Variants in DSC1 observed in about 807,000 individuals in gnomAD.
The protein encoded by DSC1 is desmocollin-1.
DSC1 carries 79 observed loss-of-function variants against 98.8 expected under a neutral mutation model. The ratio of observed to expected loss-of-function variants is 0.80; its 90% confidence interval spans 0.67 to 0.96. DSC1 has a LOEUF of 0.96. DSC1 is among the 50% of genes least tolerant of loss of function. The pLI, the probability that DSC1 is intolerant of heterozygous loss-of-function variation, is 0.00. For missense variants in DSC1, 1,115 were observed against 1,075.9 expected (o/e 1.04, Z -0.51); for synonymous variants, 405 against 372.1 (o/e 1.09, Z -1.02).
At chr18:31,132,395 G>A in intron 14 of DSC1, 173 bp downstream of exon 14, 1 of 794,218 alleles carries the variant, frequency 1.3e-6, no homozygotes, top group Middle Eastern at 3.9e-4. Context: ...GACAGCCCTA[G>A]CCCTGTAGAA....
intron 9 of DSC1, 62 bp downstream of exon 9, chr18:31,141,937 C>G (rs1988745230): frequency 1.3e-6 from 2 of 1,491,876 alleles, no homozygotes; most frequent in Non-Finnish European, 1.8e-6. Flanking sequence ...AGAATTATCT[C>G]TTAAAATCAG....
Position 31,134,542 on chromosome 18 carries a change from T to A in DSC1, c.1876+30A>T. 2.6e-6 allele frequency: 4 copies of A among 1,533,270 alleles called. No homozygotes were observed. The South Asian group carries it at 4.7e-5, about 18-fold the overall frequency. 95.0% of individuals were successfully genotyped at this position (1,533,270 alleles called of 1,614,324 possible). A position where few individuals can be genotyped will look rare whatever the true frequency, so the allele number is the denominator to read the frequency against. On this transcript the variant is annotated intron_variant, in intron 12 of 15. Transcript: ENST00000257198. ...AACCATCACCAATCTGAAGTCCGTA[T>A]TGACTATAAAATTTAGCATGATTAC...
intron 9 of DSC1, among the ~76,000 whole-genome samples, chr18:31,140,873 C>T (rs1344179804): frequency 1.3e-5 from 2 of 152,166 alleles, no homozygotes; most frequent in African/African-American, 4.8e-5. Context: ...AGAATTCCCA[C>T]CTGTTGTGGG....
At chr18:31,158,867 G>A (rs905449036) in intron 2 of DSC1, among the ~76,000 whole-genome samples, 1 of 151,798 alleles carries the variant, frequency 6.6e-6, no homozygotes, top group African/African-American at 2.4e-5. Context: ...TCCTGGTTTT[G>A]GTGCCTTGCT....
At chr18:31,151,371 T>A (rs1480572768) in intron 5 of DSC1, among the ~76,000 whole-genome samples, 5 of 152,196 alleles carry the variant, frequency 3.3e-5, no homozygotes, top group African/African-American at 1.2e-4. Flanking sequence ...GTTCATATGA[T>A]AGAGTAACTC....
intron 2 of DSC1, among the ~76,000 whole-genome samples, chr18:31,158,070 C>T (rs1013763850): frequency 1.3e-5 from 2 of 152,160 alleles, no homozygotes; most frequent in Non-Finnish European, 1.5e-5. Context: ...AGTTCTAGAT[C>T]AGCCTGGCCA....
At position 31,150,189 on chromosome 18, in the gene DSC1, CCAT is replaced by C. The variant is rs1488216282; in HGVS notation, c.628-1550_628-1548del. Among the ~76,000 whole-genome samples, 19 of 121,466 alleles carry C rather than the reference CCAT, an allele frequency of 1.6e-4. 1 individual carries two copies. The highest frequency in any genetic ancestry group is 7.5e-4 in the East Asian group (3 of 4,012). The allele number at this position is 121,466 out of a possible 152,430, so 79.7% of individuals were successfully genotyped here. A position where few individuals can be genotyped will look rare whatever the true frequency, so the allele number is the denominator to read the frequency against. On this transcript the variant is annotated intron_variant, in intron 5 of 15. Coordinates refer to ENST00000257198, the MANE Select transcript of DSC1 (RefSeq NM_024421.2). Reference sequence around the variant, plus strand: ...ACCATCACCACCACTACCATCACCACCATCATCATCACCACCACCACCACCATC... The same window carrying C: ...ACCATCACCACCACTACCATCACCACCATCATCACCACCACCACCACCATC...
intron 5 of DSC1, among the ~76,000 whole-genome samples, chr18:31,150,247 TACCAC>T: frequency 5.3e-5 from 3 of 56,674 alleles, no homozygotes; most frequent in Admixed American, 3.6e-4. Flanking sequence ...TCACCACCAC[TACCAC>T]CACCACCATC....
intron 11 of DSC1, 70 bp from the exon 12 acceptor site, chr18:31,134,854 C>A: frequency 7.1e-7 from 1 of 1,402,080 alleles, no homozygotes; most frequent in South Asian, 1.3e-5. Context: ...TTATAAAATA[C>A]ACAGTTGACA....
Position 31,139,760 on chromosome 18 carries a change from C to T in DSC1, c.1651G>A (p.Ala551Thr), listed in dbSNP as rs946546168. 1 of 1,600,252 alleles carries T rather than the reference C, an allele frequency of 6.2e-7. No homozygotes were observed. Among genetic ancestry groups the T allele is most frequent in the Non-Finnish European group, 8.5e-7 (1 of 1,175,056 alleles). The part of the protein sequence containing the change: ...KNNQYNISVV[A>T]VDAVGRSCTG... Reference sequence around the variant, plus strand: ...AAATGGCACTCACCTGCATCCACTGCAACAACTGAAATATTGTATTGGTTG... The same window carrying T: ...AAATGGCACTCACCTGCATCCACTGTAACAACTGAAATATTGTATTGGTTG... Residue 551 changes from alanine to threonine, a missense_variant, in exon 11 of 16, where the codon GCA (alanine) becomes ACA (threonine). Coordinates refer to ENST00000257198, the MANE Select transcript of DSC1 (RefSeq NM_024421.2).
At chr18:31,140,339 C>T in intron 9 of DSC1, 38 bp from the exon 10 acceptor site, 3 of 1,559,670 alleles carry the variant, frequency 1.9e-6, no homozygotes, top group Non-Finnish European at 2.6e-6. Context: ...CAATATATAA[C>T]ATTATATATA....
chr18:31,145,858 G>A (rs1988834993), intron 6 of DSC1, 81 bp from the exon 7 acceptor site: 3 of 1,455,456 alleles, frequency 2.1e-6, no homozygotes, highest in Non-Finnish European at 2.8e-6. Context: ...AGGCATTGCT[G>A]TAGCAAATTC....
At chr18:31,149,254 T>C (rs192204313) in intron 5 of DSC1, among the ~76,000 whole-genome samples, 117 of 152,332 alleles carry the variant, frequency 7.7e-4, no homozygotes, top group African/African-American at 2.6e-3. Context: ...GGTTTGTGCA[T>C]AGTAAGTGTT....
Position 31,142,033 on chromosome 18 carries a change from G to A in DSC1, c.1226C>T (p.Pro409Leu), listed in dbSNP as rs1033479940. 2.5e-6 allele frequency: 4 copies of A among 1,609,232 alleles called. No individual in the cohort carries two copies. The highest frequency in any genetic ancestry group is 3.4e-6 in the Non-Finnish European group (4 of 1,178,994). ...ACACAGCACTCCTTCATTTGTATTTGGATCTGTGCTAATTATGAAGTTTCC... is the reference window on the plus strand; with the variant it reads ...ACACAGCACTCCTTCATTTGTATTTAGATCTGTGCTAATTATGAAGTTTCC... Reference protein sequence around the residue: ...ENGNFIISTDPNTNEGVLCVV... With the variant: ...ENGNFIISTDLNTNEGVLCVV... The change falls in exon 9 of 16, where the codon CCA (proline) becomes CTA (leucine). Residue 409 changes from proline (P) to leucine (L), a missense_variant. Transcript: ENST00000257198.
At chr18:31,158,313 T>C (rs1039677031) in intron 2 of DSC1, among the ~76,000 whole-genome samples, 5 of 152,164 alleles carry the variant, frequency 3.3e-5, no homozygotes, top group Non-Finnish European at 5.9e-5. Context: ...AAGTAATATT[T>C]CCCAGTAATA....
At chr18:31,152,688 C>A (rs1989024498) in intron 5 of DSC1, among the ~76,000 whole-genome samples, 1 of 152,024 alleles carries the variant, frequency 6.6e-6, no homozygotes, top group African/African-American at 2.4e-5. Flanking sequence ...AGAAAGCGAA[C>A]TCTAGGAGGT....
chr18:31,150,402 C>T (rs199785012), intron 5 of DSC1, among the ~76,000 whole-genome samples: 2 of 10,338 alleles, frequency 1.9e-4, no homozygotes, highest in Admixed American at 5.3e-4. Flanking sequence ...ACCATTATCA[C>T]CACCACCACA....
chr18:31,132,841 G>T (rs1463904207), intron 13 of DSC1, 152 bp from the exon 14 acceptor site: 4 of 678,786 alleles, frequency 5.9e-6, no homozygotes, highest in Non-Finnish European at 2.3e-6. Context: ...TTTTAAAAAT[G>T]TATTTATACT....
At chr18:31,161,829 C>A (rs983199351) in intron 1 of DSC1, among the ~76,000 whole-genome samples, 2 of 152,040 alleles carry the variant, frequency 1.3e-5, no homozygotes, top group African/African-American at 4.8e-5. Context: ...TCATACCTGC[C>A]ATTTCTAAAA....
Sources: gnomAD v4.1 joint callset for allele counts (sites outside exome capture counted in the v4.1 genomes callset) on GRCh38, gnomAD v4.1.1 for gene constraint, MANE v1.5 for transcripts, NCBI Gene and HGNC (gene_info 2026-07-23, HGNC 2026-07-21) for gene names.